Variants in MACROD2 observed in about 807,000 individuals in gnomAD.
MACROD2 encodes the protein mono-ADP ribosylhydrolase 2.
A neutral mutation model predicts 70.4 loss-of-function variants in MACROD2; 36 were observed. The ratio of observed to expected loss-of-function variants is 0.51; its 90% confidence interval spans 0.39 to 0.68. The LOEUF is 0.68. Ranked by LOEUF, MACROD2 falls within the 30% of genes least tolerant of loss-of-function variation. MACROD2 has a pLI of 0.00. For missense variants in MACROD2, 496 were observed against 538.4 expected (o/e 0.92, Z 0.78); for synonymous variants, 172 against 178.8 (o/e 0.96, Z 0.30).
chr20:14,379,463 A>G (rs2083402241), intron 3 of MACROD2, among the ~76,000 whole-genome samples: 1 of 152,218 alleles, frequency 6.6e-6, no homozygotes, highest in Non-Finnish European at 1.5e-5. Flanking sequence ...AAATATATAA[A>G]TAAAATGAGC....
chr20:14,514,249 A>G (rs2085064552), intron 4 of MACROD2, among the ~76,000 whole-genome samples: 1 of 152,166 alleles, frequency 6.6e-6, no homozygotes, highest in African/African-American at 2.4e-5. Context: ...AAAGAGAATT[A>G]TCGCCAAGAA....
intron 4 of MACROD2, among the ~76,000 whole-genome samples, chr20:14,625,347 A>G (rs1024315315): frequency 3.3e-5 from 5 of 152,082 alleles, no homozygotes; most frequent in African/African-American, 4.8e-5. Context: ...AAGAAAAAAA[A>G]GAAAGATTAG....
intron 3 of MACROD2, among the ~76,000 whole-genome samples, chr20:14,290,899 T>A (rs546843108): frequency 6.6e-6 from 1 of 152,348 alleles, no homozygotes; most frequent in East Asian, 1.9e-4. Context: ...TGTTATTAAA[T>A]AAGCACAGCT....
chr20:14,394,486 A>T (rs1441945915), intron 3 of MACROD2, among the ~76,000 whole-genome samples: 2 of 152,090 alleles, frequency 1.3e-5, no homozygotes, highest in East Asian at 1.9e-4. Context: ...TATTAGCCCT[A>T]GAAGCTTTTG....
At chr20:14,553,015 A>G (rs905271685) in intron 4 of MACROD2, among the ~76,000 whole-genome samples, 1 of 152,052 alleles carries the variant, frequency 6.6e-6, no homozygotes, top group Non-Finnish European at 1.5e-5. Context: ...TAAATTAACT[A>G]TAGCTTATTG....
chr20:15,294,151 T>G (rs1395007743), intron 6 of MACROD2, among the ~76,000 whole-genome samples: 1 of 151,072 alleles, frequency 6.6e-6, no homozygotes, highest in Non-Finnish European at 1.5e-5. Context: ...ATTCAGGAGT[T>G]TTTATATAAA....
chr20:14,653,343 T>C (rs544604995), intron 4 of MACROD2, among the ~76,000 whole-genome samples: 36 of 151,832 alleles, frequency 2.4e-4, no homozygotes, highest in Admixed American at 4.6e-4. Flanking sequence ...GTCAGCGTCC[T>C]GAGTAGCTGG....
intron 8 of MACROD2, among the ~76,000 whole-genome samples, chr20:15,576,552 G>GTTTTTTTTTTTTTT (rs11473854): frequency 2.1e-5 from 3 of 145,750 alleles, no homozygotes; most frequent in Non-Finnish European, 1.5e-5. Context: ...TGCACAAAAT[G>GTTTTTTTTTTTTTT]TTTTTTTTTT....
chr20:14,148,916 C>T (rs1394957238), intron 3 of MACROD2, among the ~76,000 whole-genome samples: 1 of 152,050 alleles, frequency 6.6e-6, no homozygotes, highest in African/African-American at 2.4e-5. Context: ...CCCCTTCCCC[C>T]AATTGCCAGT....
chr20:15,716,424 T>C (rs144581844), intron 8 of MACROD2, among the ~76,000 whole-genome samples: 2 of 152,342 alleles, frequency 1.3e-5, no homozygotes, highest in Non-Finnish European at 2.9e-5. Flanking sequence ...GACCCATTTC[T>C]ATATTTCTCG....
At chr20:14,874,343 A>C (rs575738973) in intron 5 of MACROD2, among the ~76,000 whole-genome samples, 105 of 149,774 alleles carry the variant, frequency 7.0e-4, no homozygotes, top group African/African-American at 2.2e-3. Context: ...GTCCTTTTTT[A>C]AGAGTGTATT....
chr20:15,301,787 C>T (rs544587139), intron 6 of MACROD2, among the ~76,000 whole-genome samples: 61 of 151,908 alleles, frequency 4.0e-4, no homozygotes, highest in African/African-American at 1.3e-3. Context: ...CCTAGAGAGG[C>T]GCCAGGAGAG....
intron 5 of MACROD2, among the ~76,000 whole-genome samples, chr20:14,847,046 G>T (rs2073149414): frequency 1.3e-5 from 2 of 151,510 alleles, no homozygotes; most frequent in African/African-American, 4.8e-5. Context: ...TTTTCACCAT[G>T]AATATCACTG....
chr20:15,971,837 T>C (rs2147421962), intron 13 of MACROD2, among the ~76,000 whole-genome samples: 1 of 152,130 alleles, frequency 6.6e-6, no homozygotes, highest in Non-Finnish European at 1.5e-5. Context: ...AGAGTCTTCA[T>C]AGTTCTTGAC....
At chr20:15,073,830 G>C (rs545881351) in intron 5 of MACROD2, among the ~76,000 whole-genome samples, 1 of 152,224 alleles carries the variant, frequency 6.6e-6, no homozygotes, top group Non-Finnish European at 1.5e-5. Flanking sequence ...TTTCTTCCAA[G>C]ACTTAGTGTT....
chr20:15,964,231 TC>T (rs2066105905), intron 12 of MACROD2, among the ~76,000 whole-genome samples: 1 of 152,212 alleles, frequency 6.6e-6, no homozygotes, highest in African/African-American at 2.4e-5. Context: ...ACTGGTGTCT[TC>T]GTCCAGGCTC....
intron 4 of MACROD2, among the ~76,000 whole-genome samples, chr20:14,500,431 G>T (rs908904851): frequency 2.0e-5 from 3 of 152,208 alleles, no homozygotes; most frequent in African/African-American, 4.8e-5. Context: ...ACTCCAGTTG[G>T]ATTTCTAGTA....
At position 15,001,213 on chromosome 20, in the gene MACROD2, C is replaced by T. The variant is rs145667228; in HGVS notation, c.419-228727C>T. Among the ~76,000 whole-genome samples the T allele has an allele frequency of 3.3e-5, 5 of 152,260 alleles. No homozygotes were observed. In the East Asian group the frequency reaches 5.8e-4, roughly 18 times the overall value. ...AGAACCCTCCTAGTACTGCAGCTGT[C>T]GGTGAGTAAATGTTCATTTGATAAG... On this transcript the variant is annotated intron_variant, in intron 5 of 17. Transcript: ENST00000684519.
chr20:14,468,825 A>T (rs2084491807), intron 3 of MACROD2, among the ~76,000 whole-genome samples: 1 of 152,054 alleles, frequency 6.6e-6, no homozygotes, highest in Non-Finnish European at 1.5e-5. Flanking sequence ...GTGTGTCATT[A>T]CATGTGTGTC....
Sources: gnomAD v4.1 joint callset for allele counts (sites outside exome capture counted in the v4.1 genomes callset) on GRCh38, gnomAD v4.1.1 for gene constraint, MANE v1.5 for transcripts, NCBI Gene and HGNC (gene_info 2026-07-23, HGNC 2026-07-21) for gene names.